Variants in KLRG1 observed in about 807,000 individuals in gnomAD.
The protein encoded by KLRG1 is killer cell lectin-like receptor subfamily G member 1.
Under a neutral mutation model 21.8 loss-of-function variants are expected in KLRG1, and 16 were observed. The observed-to-expected ratio is 0.73, with a 90% confidence interval of 0.50 to 1.11. The LOEUF (loss-of-function observed/expected upper bound fraction) is 1.11. Ranked by LOEUF, KLRG1 falls within the 50% of genes most tolerant of loss-of-function variation. KLRG1 has a pLI of 0.00. For missense variants in KLRG1, 173 were observed against 218.3 expected (o/e 0.79, Z 1.31); for synonymous variants, 69 against 75.9 (o/e 0.91, Z 0.47).
At chr12:9,094,990 A>G in the KLRG1 span, 1 of 1,568,400 alleles carries the variant, frequency 6.4e-7, no homozygotes, top group South Asian at 1.3e-5. Context: ...ACCTACACGT[A>G]GACCTTCAGG....
At chr12:8,958,414 A>C in intron 1 of KLRG1, among the ~76,000 whole-genome samples, 1 of 152,224 alleles carries the variant, frequency 6.6e-6, no homozygotes, top group African/African-American at 2.4e-5. Flanking sequence ...TATTAAGCTA[A>C]TAACACACTC....
the KLRG1 span, chr12:9,110,203 G>C: frequency 6.5e-4 from 737 of 1,137,612 alleles, 4 homozygotes; most frequent in African/African-American, 9.9e-3. Context: ...GAGTTTGAAG[G>C]CTTCTCCTTT....
chr12:9,125,342 C>CTCATTCTTCCTG, the KLRG1 span, among the ~76,000 whole-genome samples: 1 of 152,124 alleles, frequency 6.6e-6, no homozygotes, highest in African/African-American at 2.4e-5. Flanking sequence ...GTTCGTGTAC[C>CTCATTCTTCCTG]TCATTCTTCC....
chr12:9,091,455 A>G, the KLRG1 span: 2 of 1,612,096 alleles, frequency 1.2e-6, no homozygotes, highest in Non-Finnish European at 1.7e-6. Flanking sequence ...AGTGAAGAAC[A>G]GAAAGTAAGC....
At chr12:9,035,819 A>G in the KLRG1 span, among the ~76,000 whole-genome samples, 1 of 152,372 alleles carries the variant, frequency 6.6e-6, no homozygotes, top group East Asian at 1.9e-4. Flanking sequence ...ACACAGCCAT[A>G]AAAAATAAAA....
chr12:8,992,163 C>G (rs981183918), intron 1 of KLRG1, 43 bp from the exon 2 acceptor site: 2 of 1,509,564 alleles, frequency 1.3e-6, no homozygotes, highest in Non-Finnish European at 1.8e-6. Context: ...TTCTTTCAAC[C>G]TGTCATCTGA....
chr12:9,208,539 G>C, the KLRG1 span, among the ~76,000 whole-genome samples: 2 of 152,012 alleles, frequency 1.3e-5, no homozygotes, highest in Non-Finnish European at 2.9e-5. Flanking sequence ...TTTTCTCAAG[G>C]CTAAATTCTG....
At chr12:9,134,401 A>C in the KLRG1 span, among the ~76,000 whole-genome samples, 1 of 152,126 alleles carries the variant, frequency 6.6e-6, no homozygotes, top group Non-Finnish European at 1.5e-5. Context: ...TTTCTTTTAA[A>C]AATTTTATTT....
the KLRG1 span, among the ~76,000 whole-genome samples, chr12:9,191,517 T>C: frequency 6.6e-6 from 1 of 152,164 alleles, no homozygotes; most frequent in African/African-American, 2.4e-5. Flanking sequence ...ATTTAATTTT[T>C]CCAGCTTAGC....
chr12:9,120,661 G>T, the KLRG1 span, among the ~76,000 whole-genome samples: 2 of 152,118 alleles, frequency 1.3e-5, no homozygotes, highest in African/African-American at 2.4e-5. Context: ...ATTTCATCTG[G>T]TTACATATTA....
At chr12:9,157,304 CT>C in the KLRG1 span, 4 of 1,614,058 alleles carry the variant, frequency 2.5e-6, no homozygotes, top group Non-Finnish European at 3.4e-6. Context: ...CCCTCCTTTG[CT>C]ACATTCCAGG....
the KLRG1 span, among the ~76,000 whole-genome samples, chr12:9,071,935 C>A: frequency 1.3e-5 from 2 of 152,154 alleles, no homozygotes; most frequent in African/African-American, 4.8e-5. Flanking sequence ...ATCTTCCCCC[C>A]AAATTAATTA....
upstream of KLRG1, among the ~76,000 whole-genome samples, chr12:8,988,647 C>G (rs1475583097): frequency 6.6e-6 from 1 of 152,046 alleles, no homozygotes; most frequent in Non-Finnish European, 1.5e-5. Context: ...ATGGTGCAGT[C>G]TCGGCTCGCT....
At chr12:9,013,661 C>A (rs1042674715), downstream of KLRG1, among the ~76,000 whole-genome samples, 1 of 152,098 alleles carries the variant, frequency 6.6e-6, no homozygotes, top group Non-Finnish European at 1.5e-5. Flanking sequence ...CAGGGAAACT[C>A]CCCTTCATAA....
the KLRG1 span, among the ~76,000 whole-genome samples, chr12:9,045,418 A>G: frequency 6.6e-6 from 1 of 152,212 alleles, no homozygotes; most frequent in African/African-American, 2.4e-5. Flanking sequence ...ATAAAACCTC[A>G]TGATAACTTA....
chr12:9,181,081 G>A, the KLRG1 span: 2 of 1,614,182 alleles, frequency 1.2e-6, no homozygotes, highest in Middle Eastern at 1.6e-4. Flanking sequence ...GCTACTTGCA[G>A]GTGGGCATGT....
chr12:9,009,165 A>G, intron 4 of KLRG1, 90 bp downstream of exon 4: 1 of 1,012,406 alleles, frequency 9.9e-7, no homozygotes, highest in Non-Finnish European at 1.5e-6. Flanking sequence ...AGAAGAGCAG[A>G]TGGAGAGGAG....
chr12:9,200,889 T>C, the KLRG1 span: 2 of 1,611,350 alleles, frequency 1.2e-6, no homozygotes. Flanking sequence ...CCATAATCCA[T>C]ACCAAATTCC....
chr12:9,154,311 T>C, the KLRG1 span, among the ~76,000 whole-genome samples: 2 of 152,188 alleles, frequency 1.3e-5, no homozygotes, highest in Non-Finnish European at 2.9e-5. Context: ...TGGCTCGAAA[T>C]GTCAATAGTG....
Sources: gnomAD v4.1 joint callset for allele counts (sites outside exome capture counted in the v4.1 genomes callset) on GRCh38, gnomAD v4.1.1 for gene constraint, MANE v1.5 for transcripts, NCBI Gene and HGNC (gene_info 2026-07-23, HGNC 2026-07-21) for gene names.